Variants in LGI2 observed in about 807,000 individuals in gnomAD.
The protein encoded by LGI2 is leucine rich repeat LGI family member 2, also known as leucine-rich repeat LGI family member 2.
Under a neutral mutation model 52.0 loss-of-function variants are expected in LGI2, and 30 were observed. The ratio of observed to expected loss-of-function variants is 0.58; its 90% CI spans 0.43 to 0.78. The LOEUF (loss-of-function observed/expected upper bound fraction) is 0.78, where lower values mean the gene tolerates loss of function less well. Among genes scored for constraint, LGI2 ranks in the 30% least tolerant of loss-of-function variants. The pLI is 0.00. For missense variants in LGI2, 573 were observed against 692.5 expected (o/e 0.83, Z 1.94); for synonymous variants, 270 against 271.8 (o/e 0.99, Z 0.06).
chr4:25,027,966 T>C (rs561307481), intron 2 of LGI2, among the ~76,000 whole-genome samples: 76 of 152,220 alleles, frequency 5.0e-4, no homozygotes, highest in Non-Finnish European at 8.2e-4. Flanking sequence ...CTGGCTCTGA[T>C]TTGGGACAAG....
chr4:25,014,645 A>G (rs1296650533), intron 6 of LGI2, among the ~76,000 whole-genome samples: 1 of 152,070 alleles, frequency 6.6e-6, no homozygotes, highest in African/African-American at 2.4e-5. Context: ...ACTAGCTAAC[A>G]TAGCAAGACC....
intron 1 of LGI2, among the ~76,000 whole-genome samples, chr4:25,029,950 A>G (rs1301687572): frequency 6.6e-6 from 1 of 152,098 alleles, no homozygotes; most frequent in Non-Finnish European, 1.5e-5. Context: ...AATGTGGAGA[A>G]GTCGGGAGGA....
At chr4:25,011,755 G>C (rs1040889674) in intron 7 of LGI2, among the ~76,000 whole-genome samples, 2 of 152,192 alleles carry the variant, frequency 1.3e-5, no homozygotes, top group Admixed American at 1.3e-4. Flanking sequence ...TCCACATTCA[G>C]TAGGGCTAAG....
At chr4:25,030,172 G>A (rs1726284169) in intron 1 of LGI2, among the ~76,000 whole-genome samples, 1 of 152,124 alleles carries the variant, frequency 6.6e-6, no homozygotes, top group Non-Finnish European at 1.5e-5. Flanking sequence ...GCACACTCCA[G>A]GACTCCACTC....
Position 25,028,519 on chromosome 4 carries a change from G to C in LGI2, c.257C>G (p.Ser86Cys). Residue 86 changes from serine to cysteine, a missense_variant, in exon 2 of 8, where the codon TCT becomes TGT. Ser to Cys is a moderately radical substitution (Grantham distance 112). Transcript: ENST00000382114. ...TTCCCATACTCACAGCAGCTGCAGAGAAGGCAGATGGGAAAACATTCGGTC... is the reference window on the plus strand; with the variant it reads ...TTCCCATACTCACAGCAGCTGCAGACAAGGCAGATGGGAAAACATTCGGTC... Reference protein sequence around the residue: ...IKDRMFSHLPSLQLLLLNSNS... With the variant: ...IKDRMFSHLPCLQLLLLNSNS... 2 of 1,613,352 alleles carry C rather than the reference G, an allele frequency of 1.2e-6. No homozygotes were observed. The highest frequency in any genetic ancestry group is 1.7e-6 in the Non-Finnish European group (2 of 1,179,846).
At chr4:25,019,273 T>C in intron 4 of LGI2, 35 bp from the exon 5 acceptor site, 1 of 1,390,592 alleles carries the variant, frequency 7.2e-7, no homozygotes, top group Non-Finnish European at 1.0e-6. Context: ...ATGTGATTAT[T>C]ATCTCATGCC....
At chr4:24,992,861 G>A in the LGI2 span, among the ~76,000 whole-genome samples, 1 of 152,094 alleles carries the variant, frequency 6.6e-6, no homozygotes, top group Non-Finnish European at 1.5e-5. Context: ...CAAAACATGG[G>A]CTCTAGAGTC....
At chr4:25,024,783 A>G (rs920955157) in intron 4 of LGI2, 37 bp downstream of exon 4, 1 of 1,412,398 alleles carries the variant, frequency 7.1e-7, no homozygotes, top group African/African-American at 1.4e-5. Context: ...CTTACTCCAC[A>G]TATTAGAGGA....
chr4:24,994,817 A>G (rs1387542453), downstream of LGI2, among the ~76,000 whole-genome samples: 1 of 152,144 alleles, frequency 6.6e-6, no homozygotes, highest in Admixed American at 6.5e-5. Context: ...AAACCCCAAG[A>G]GGTGACAAAG....
At chr4:25,010,144 G>A (rs989109359) in intron 7 of LGI2, among the ~76,000 whole-genome samples, 1 of 152,128 alleles carries the variant, frequency 6.6e-6, no homozygotes, top group African/African-American at 2.4e-5. Flanking sequence ...GCCGGGTGCG[G>A]TAGCAGGTGC....
chr4:25,026,289 A>T (rs929706467), intron 3 of LGI2, among the ~76,000 whole-genome samples: 2 of 152,092 alleles, frequency 1.3e-5, no homozygotes, highest in Non-Finnish European at 2.9e-5. Flanking sequence ...AAAGGAAGAA[A>T]AGGCAGAAAT....
chr4:25,021,498 G>T (rs978204366), intron 4 of LGI2, among the ~76,000 whole-genome samples: 1 of 152,216 alleles, frequency 6.6e-6, no homozygotes, highest in Admixed American at 6.5e-5. Flanking sequence ...CGTAAGCACG[G>T]GGGTGAACTT....
Position 25,030,536 on chromosome 4 carries a change from G to A in LGI2, c.158C>T (p.Ser53Phe). The A allele has an allele frequency of 6.3e-7, 1 of 1,597,128 alleles. No individual in the cohort carries two copies. The highest frequency in any genetic ancestry group is 8.5e-7 in the Non-Finnish European group (1 of 1,173,634). ...GCCCGGCACGATCCTGGGCACCCAG[G>A]AAGAGCCCACGCAGATGATAGACTC... ...TKESIICVGS[S>F]WVPRIVPGDI... The change falls in exon 1 of 8, where the codon TCC (serine) becomes TTC (phenylalanine). Residue 53 changes from serine (S) to phenylalanine (F), a missense_variant. Coordinates refer to ENST00000382114, the MANE Select transcript of LGI2 (RefSeq NM_018176.4).
rs1242313710 is a variant in LGI2 at position 25,001,975 on chromosome 4, A to G, written c.*1476T>C. ...GTTTCTCTTTCAGAGCTACCCCTAA[A>G]GGCATTCACTTTATATTCTCTGAAG... On this transcript the variant is annotated 3_prime_UTR_variant, in exon 8 of 8. Transcript: ENST00000382114. The G allele has an allele frequency of 1.3e-5, 2 of 152,242 alleles. No homozygotes were observed. The highest frequency in any genetic ancestry group is 2.9e-5 in the Non-Finnish European group (2 of 68,048). The allele number at this position is 152,242 out of a possible 1,614,324, so 9.4% of individuals were successfully genotyped here.
chr4:25,019,276 C>G (rs765719669), intron 4 of LGI2, 38 bp from the exon 5 acceptor site: 1 of 1,370,460 alleles, frequency 7.3e-7, no homozygotes, highest in South Asian at 1.2e-5. Context: ...TGATTATTAT[C>G]TCATGCCCTG....
At chr4:25,016,019 A>T (rs1455151263) in intron 6 of LGI2, among the ~76,000 whole-genome samples, 1 of 151,704 alleles carries the variant, frequency 6.6e-6, no homozygotes, top group Non-Finnish European at 1.5e-5. Context: ...AAGCTTGTTC[A>T]TGAAGACAAA....
chr4:24,999,767 T>A lies in LGI2; in HGVS notation c.*3684A>T. ...ATTTCTTTCCTAAAAATACACAGAC[T>A]CTCACTCCATGGGGAAGAAAAAATG... is the stretch of plus-strand genomic sequence containing the variant. On this transcript the variant is annotated 3_prime_UTR_variant, in exon 8 of 8. Transcript: ENST00000382114. 1 of 455,318 alleles carries A rather than the reference T, an allele frequency of 2.2e-6. No individual in the cohort carries two copies. Among genetic ancestry groups the A allele is most frequent in the South Asian group, 1.6e-5 (1 of 64,292 alleles). 28.2% of individuals were successfully genotyped at this position (455,318 alleles called of 1,614,324 possible). A position where few individuals can be genotyped will look rare whatever the true frequency, so the allele number is the denominator to read the frequency against.
chr4:25,008,626 A>G (rs1423555743), intron 7 of LGI2, among the ~76,000 whole-genome samples: 1 of 152,010 alleles, frequency 6.6e-6, no homozygotes, highest in Non-Finnish European at 1.5e-5. Context: ...CATTTTACAG[A>G]TAAAGTGGAA....
rs1725355210 is a variant in LGI2 at position 25,004,980 on chromosome 4, A to T, written c.821-712T>A. Among the ~76,000 whole-genome samples the T allele has an allele frequency of 6.6e-6, 1 of 152,230 alleles. No homozygotes were observed. The highest frequency in any genetic ancestry group is 1.5e-5 in the Non-Finnish European group (1 of 68,042). On this transcript the variant is annotated intron_variant, in intron 7 of 7. Coordinates refer to ENST00000382114, the MANE Select transcript of LGI2 (RefSeq NM_018176.4). This position sits in a 1 kb window ranked among gnomAD's most constrained non-coding sequence, Gnocchi z 4.6. ...GCCCTAAAAGGAGGAAAATTCTGAC[A>T]TATGCTACAACATGGATGGACTTTG...
Sources: gnomAD v4.1 joint callset for allele counts (sites outside exome capture counted in the v4.1 genomes callset) on GRCh38, gnomAD v4.1.1 for gene constraint, Gnocchi (gnomAD v3.1) non-coding constraint, MANE v1.5 for transcripts, NCBI Gene and HGNC (gene_info 2026-07-23, HGNC 2026-07-21) for gene names.